The following COL5A1 variants were observed in gnomAD, a reference collection of about 807,000 sequenced individuals.
COL5A1 encodes the protein collagen alpha-1(V) chain.
COL5A1 carries 16 observed loss-of-function variants against 263.7 expected under a neutral mutation model. The observed-to-expected ratio is 0.06, with a 90% confidence interval of 0.04 to 0.09. The LOEUF is 0.09. COL5A1 is among the 10% of genes least tolerant of loss of function. The pLI, the probability that COL5A1 is intolerant of heterozygous loss-of-function variation, is 1.00. For missense variants in COL5A1, 2,036 were observed against 2,540.5 expected (o/e 0.80, Z 4.27); for synonymous variants, 1,012 against 1,004.5 (o/e 1.01, Z -0.14).
In COL5A1 at chr9:134,686,941, G is replaced by T. The variant is rs1833098683; in HGVS notation, c.110-3971G>T. Among the ~76,000 whole-genome samples, 3 of 152,194 alleles carry T rather than the reference G, an allele frequency of 2.0e-5. No homozygotes were observed. The highest frequency in any genetic ancestry group is 2.0e-4 in the Admixed American group (3 of 15,286). ...GCTGATGGGAGCAAGCCACGATGGG[G>T]AAAGGGATTGAATGCAGGGAGTCAG... On this transcript the variant is annotated intron_variant, in intron 1 of 65. Coordinates refer to ENST00000371817, the MANE Select transcript of COL5A1 (RefSeq NM_000093.5). This position sits in a 1 kb window ranked among gnomAD's most constrained non-coding sequence, Gnocchi z 4.6.
rs1282664562 is a variant in COL5A1, at chr9:134,755,962, C to T, written c.1828-803C>T. 2.6e-5 allele frequency among the ~76,000 whole-genome samples: 4 copies of T among 152,110 alleles called. No individual in the cohort carries two copies. In the East Asian group the frequency reaches 5.8e-4, roughly 22 times the overall value. On this transcript the variant is annotated intron_variant, in intron 16 of 65. Transcript: ENST00000371817. This position sits in a 1 kb window ranked among gnomAD's most constrained non-coding sequence, Gnocchi z 4.1. ...AAAATGGAAGTGCAGGGTGGCAGCC[C>T]TCTATACTCGCTGGCTGGGGTGCCT...
chr9:134,740,377 G>A (rs1198585711), intron 11 of COL5A1, among the ~76,000 whole-genome samples: 3 of 152,214 alleles, frequency 2.0e-5, no homozygotes, highest in East Asian at 1.9e-4. Context: ...ATGGGGCAAC[G>A]GCCAAGCTCC....
chr9:134,819,386 C>G lies in COL5A1; in HGVS notation c.4446+333C>G, dbSNP rs529421902. Among the ~76,000 whole-genome samples the G allele has an allele frequency of 1.1e-4, 17 of 152,364 alleles. No homozygotes were observed. The South Asian group carries it at 2.7e-3, about 24-fold the overall frequency. On this transcript the variant is annotated intron_variant, in intron 57 of 65. Coordinates refer to ENST00000371817, the MANE Select transcript of COL5A1 (RefSeq NM_000093.5). ...CTCCCTGGGCTGAGCGGCCCCAGAT[C>G]CTTTCCGCAGGAGGTGTGAGGACAT...
intron 11 of COL5A1, among the ~76,000 whole-genome samples, chr9:134,744,528 T>C (rs1835412171): frequency 7.1e-6 from 1 of 141,044 alleles, no homozygotes; most frequent in African/African-American, 2.7e-5. Flanking sequence ...CCCCCATACA[T>C]GCACACTCAC....
In COL5A1 at chr9:134,817,060, C is replaced by T. The variant is rs141605663; in HGVS notation, c.4157C>T (p.Ser1386Leu). 33 of 1,613,678 alleles carry T rather than the reference C, an allele frequency of 2.0e-5. No individual in the cohort carries two copies. The highest frequency in any genetic ancestry group is 1.9e-4 in the African/African-American group (14 of 74,916). Residue 1386 changes from serine (S) to leucine (L), a missense_variant, in exon 53 of 66, where the codon TCG (serine) becomes TTG (leucine). Transcript: ENST00000371817. ...SPGPTGEPGP[S>L]GPPGKRGPPG... Reference sequence around the variant, plus strand: ...GGCCCTACTGGTGAACCAGGTCCATCGGGGCCTCCAGGAAAAAGGGTAAAT... The same window carrying T: ...GGCCCTACTGGTGAACCAGGTCCATTGGGGCCTCCAGGAAAAAGGGTAAAT...
intron 1 of COL5A1, among the ~76,000 whole-genome samples, chr9:134,690,695 A>G (rs575392824): frequency 1.4e-3 from 213 of 152,022 alleles, no homozygotes; most frequent in African/African-American, 4.8e-3. Context: ...TGCCCCCGGT[A>G]TGTGGCTGCT....
intron 36 of COL5A1, among the ~76,000 whole-genome samples, chr9:134,798,172 G>T (rs186430444): frequency 7.9e-5 from 12 of 152,322 alleles, no homozygotes; most frequent in Admixed American, 5.2e-4. Flanking sequence ...AGATGAGGGT[G>T]ACAACAGCAC....
Position 134,842,416 on chromosome 9 carries a change from C to G in COL5A1, c.*113C>G. On this transcript the variant is annotated 3_prime_UTR_variant, in exon 66 of 66. Coordinates refer to ENST00000371817, the MANE Select transcript of COL5A1 (RefSeq NM_000093.5). The surrounding 1 kb of genome is among the most constrained non-coding windows in gnomAD (Gnocchi z 5.8). ...GACAGTGAAGGCTTCTCCCTCCCCTCCCACCTGACTTCATCTACGCCTCGG... is the reference window on the plus strand; with the variant it reads ...GACAGTGAAGGCTTCTCCCTCCCCTGCCACCTGACTTCATCTACGCCTCGG... 4 of 1,318,952 alleles carry G rather than the reference C, an allele frequency of 3.0e-6. No individual in the cohort carries two copies. Among genetic ancestry groups the G allele is most frequent in the Non-Finnish European group, 4.2e-6 (4 of 943,008 alleles). 81.7% of individuals were successfully genotyped at this position (1,318,952 alleles called of 1,614,324 possible). A position where few individuals can be genotyped will look rare whatever the true frequency, so the allele number is the denominator to read the frequency against.
At chr9:134,748,838 A>G (rs1055356264) in intron 11 of COL5A1, among the ~76,000 whole-genome samples, 2 of 152,194 alleles carry the variant, frequency 1.3e-5, no homozygotes, top group Non-Finnish European at 2.9e-5. Context: ...TTAAATAAAC[A>G]AGGAGTCCAT....
intron 64 of COL5A1, among the ~76,000 whole-genome samples, chr9:134,831,526 C>T (rs1412188501): frequency 5.3e-5 from 8 of 152,144 alleles, no homozygotes; most frequent in African/African-American, 9.7e-5. Context: ...CTGCTTGGCC[C>T]GGAGGGACAG....
chr9:134,790,421 G>GCCATCCAC (rs1837635591), intron 32 of COL5A1, among the ~76,000 whole-genome samples: 1 of 30,382 alleles, frequency 3.3e-5, no homozygotes, highest in Non-Finnish European at 5.9e-5. Flanking sequence ...CAGCCATCCA[G>GCCATCCAC]CCACCCACCC....
chr9:134,720,266 C>T (rs185590284), intron 4 of COL5A1, among the ~76,000 whole-genome samples: 1 of 152,292 alleles, frequency 6.6e-6, no homozygotes, highest in African/African-American at 2.4e-5. Flanking sequence ...CTGTCCCCAT[C>T]CCCTGAAAAG....
chr9:134,824,122 C>T (rs1440454458), intron 61 of COL5A1, among the ~76,000 whole-genome samples: 1 of 152,146 alleles, frequency 6.6e-6, no homozygotes, highest in African/African-American at 2.4e-5. Flanking sequence ...GGACACCCCC[C>T]TTTGGTTGTG....
Position 134,809,269 on chromosome 9 carries a change from C to A in COL5A1, c.3453C>A (p.Pro1151=), listed in dbSNP as rs753485525. 6.2e-7 allele frequency: 1 copy of A among 1,609,114 alleles called. No homozygotes were observed. Among genetic ancestry groups the A allele is most frequent in the East Asian group, 2.2e-5 (1 of 44,752 alleles). ...GLPGPAGPVG[P]PGEDGDKGEI... ...CGGGTCCAGCTGGCCCTGTGGGTCC[C>A]CCTGGAGAAGACGGAGATAAGGTAA... Residue 1151 remains proline (P), a synonymous_variant, in exon 43 of 66, where the codon CCC becomes CCA. Transcript: ENST00000371817.
intron 46 of COL5A1, among the ~76,000 whole-genome samples, 154 bp from the exon 47 acceptor site, chr9:134,812,295 G>A (rs1213258975): frequency 2.0e-5 from 3 of 152,180 alleles, no homozygotes; most frequent in Non-Finnish European, 4.4e-5. Context: ...TGGGAACCCC[G>A]GGACGTCCTC....
In COL5A1 at chr9:134,641,942, A is replaced by AGCCCAGCGGGGTCCCGGCC. The variant is rs1564359628; in HGVS notation, c.-241_-223dup. On this transcript the variant is annotated 5_prime_UTR_variant, in exon 1 of 66. Coordinates refer to ENST00000371817, the MANE Select transcript of COL5A1 (RefSeq NM_000093.5). ...GAGGAGGAGGAGGCGAGGGCGAGCTAGCCCAGCGGGGTCCCGGCCGCCCCG... is the reference window on the plus strand; with the variant it reads ...GAGGAGGAGGAGGCGAGGGCGAGCTAGCCCAGCGGGGTCCCGGCCGCCCAGCGGGGTCCCGGCCGCCCCG... The AGCCCAGCGGGGTCCCGGCC allele has an allele frequency of 1.3e-5, 5 of 384,054 alleles. No individual in the cohort carries two copies. The highest frequency in any genetic ancestry group is 2.1e-5 in the African/African-American group (1 of 47,682). The allele number at this position is 384,054 out of a possible 1,614,324, so 23.8% of individuals were successfully genotyped here.
chr9:134,722,265 G>C (rs1243571787), intron 4 of COL5A1, among the ~76,000 whole-genome samples: 3 of 152,236 alleles, frequency 2.0e-5, no homozygotes, highest in Non-Finnish European at 4.4e-5. Context: ...CCACAAAGCA[G>C]GGCTGGCTGA....
rs1005834015 is a variant in COL5A1, at chr9:134,682,916, G to T, written c.110-7996G>T. Among the ~76,000 whole-genome samples the T allele has an allele frequency of 6.6e-6, 1 of 152,218 alleles. No homozygotes were observed. ...GGGCTTCAAAGGCAGCCGACCCATA[G>T]CCAGTGCTTAAAGATATTGAACTTG... On this transcript the variant is annotated intron_variant, in intron 1 of 65. Coordinates refer to ENST00000371817, the MANE Select transcript of COL5A1 (RefSeq NM_000093.5). This position sits in a 1 kb window ranked among gnomAD's most constrained non-coding sequence, Gnocchi z 5.1.
chr9:134,697,881 C>T (rs1044546824), intron 2 of COL5A1, among the ~76,000 whole-genome samples: 3 of 152,118 alleles, frequency 2.0e-5, no homozygotes, highest in South Asian at 2.1e-4. Flanking sequence ...GTCAGGAGTT[C>T]GAGACCAGCC....
Sources: allele counts gnomAD v4.1 joint callset (sites outside exome capture counted in the v4.1 genomes callset), GRCh38; gene constraint gnomAD v4.1.1; non-coding constraint Gnocchi (gnomAD v3.1); transcripts MANE v1.5; gene names NCBI Gene and HGNC (gene_info 2026-07-23, HGNC 2026-07-21).